Variants in NXPE2 observed in about 807,000 individuals in gnomAD.
NXPE2 encodes the protein NXPE family member 2.
A neutral mutation model predicts 34.4 loss-of-function variants in NXPE2; 34 were observed. The ratio of observed to expected loss-of-function variants is 0.99; its 90% CI spans 0.75 to 1.31. The LOEUF (loss-of-function observed/expected upper bound fraction) is 1.31. Ranked by LOEUF, NXPE2 falls within the 40% of genes most tolerant of loss-of-function variation. NXPE2 has a pLI of 0.00. For missense variants in NXPE2, 649 were observed against 672.5 expected (o/e 0.97, Z 0.39); for synonymous variants, 235 against 231.3 (o/e 1.02, Z -0.15).
At chr11:114,570,806 T>C in the NXPE2 span, 1 of 606,642 alleles carries the variant, frequency 1.6e-6, no homozygotes, top group Non-Finnish European at 2.9e-6. Flanking sequence ...TGGTGGCTTA[T>C]GGATCAGCCA....
chr11:114,615,497 G>T, the NXPE2 span, among the ~76,000 whole-genome samples: 4 of 151,324 alleles, frequency 2.6e-5, no homozygotes, highest in Non-Finnish European at 1.5e-5. Context: ...ACTGTTACCT[G>T]GTGGATAATA....
At chr11:114,646,518 A>AT in the NXPE2 span, among the ~76,000 whole-genome samples, 1 of 151,972 alleles carries the variant, frequency 6.6e-6, no homozygotes, top group Admixed American at 6.6e-5. Flanking sequence ...GAACAATGTA[A>AT]TTTTTTAAAA....
the NXPE2 span, chr11:114,571,458 T>C: frequency 2.5e-6 from 4 of 1,606,846 alleles, no homozygotes; most frequent in Non-Finnish European, 3.4e-6. Flanking sequence ...TTCATGCAGA[T>C]CCACTGACTT....
chr11:114,775,487 A>T, the NXPE2 span, among the ~76,000 whole-genome samples: 1 of 152,172 alleles, frequency 6.6e-6, no homozygotes, highest in East Asian at 1.9e-4. Flanking sequence ...AGGGCTCCTG[A>T]CCACTCATCT....
the NXPE2 span, among the ~76,000 whole-genome samples, chr11:114,506,345 T>C: frequency 3.5e-3 from 536 of 152,258 alleles, 3 homozygotes; most frequent in African/African-American, 0.012. Context: ...TTAACAAAGG[T>C]ATTCAGGAAC....
intron 1 of NXPE2, 145 bp downstream of exon 1, chr11:114,678,746 A>T: frequency 1.6e-6 from 1 of 623,114 alleles, no homozygotes. Flanking sequence ...AAATACTTTT[A>T]AAATGGAATA....
At chr11:114,700,347 A>G (rs1021011402) in intron 3 of NXPE2, among the ~76,000 whole-genome samples, 3 of 152,226 alleles carry the variant, frequency 2.0e-5, no homozygotes, top group African/African-American at 7.2e-5. Flanking sequence ...ATGCTATTTT[A>G]AAACGGTGTC....
At chr11:114,798,369 C>CTCTT in the NXPE2 span, among the ~76,000 whole-genome samples, 4 of 151,854 alleles carry the variant, frequency 2.6e-5, no homozygotes, top group African/African-American at 9.7e-5. Context: ...CTCCTTCCCT[C>CTCTT]TGTTTCTTTC....
the NXPE2 span, among the ~76,000 whole-genome samples, chr11:114,640,006 T>G: frequency 8.4e-6 from 1 of 118,550 alleles, no homozygotes; most frequent in South Asian, 2.4e-4. Context: ...TATAATGTAA[T>G]AATATATTAT....
chr11:114,560,643 T>A, the NXPE2 span, among the ~76,000 whole-genome samples: 1 of 152,180 alleles, frequency 6.6e-6, no homozygotes, highest in East Asian at 1.9e-4. Context: ...AAAGGGGATA[T>A]GGTTCATTAA....
At chr11:114,719,106 A>T in the NXPE2 span, among the ~76,000 whole-genome samples, 2 of 152,076 alleles carry the variant, frequency 1.3e-5, no homozygotes, top group Non-Finnish European at 1.5e-5. Flanking sequence ...TATTAGTTTC[A>T]GTTCTTCTGT....
chr11:114,493,085 G>A, the NXPE2 span, among the ~76,000 whole-genome samples: 1 of 151,736 alleles, frequency 6.6e-6, no homozygotes, highest in Non-Finnish European at 1.5e-5. Flanking sequence ...TATAGTTTTT[G>A]TCTTGAAATC....
chr11:114,614,677 T>G, the NXPE2 span, among the ~76,000 whole-genome samples: 1 of 151,090 alleles, frequency 6.6e-6, no homozygotes, highest in South Asian at 2.1e-4. Context: ...ACTGGATAAG[T>G]GTTGCCTCGT....
At chr11:114,767,948 A>G in the NXPE2 span, among the ~76,000 whole-genome samples, 1 of 152,116 alleles carries the variant, frequency 6.6e-6, no homozygotes, top group African/African-American at 2.4e-5. Context: ...CTAAGCTTCA[A>G]TGTTCTCATC....
In NXPE2 at chr11:114,681,725, G is replaced by A. The variant is rs186445878; in HGVS notation, c.132+1963G>A. On this transcript the variant is annotated intron_variant, in intron 2 of 5. Transcript: ENST00000389586. Reference sequence around the variant, plus strand: ...CATATCAGAATTATAGGAGTTTCCCGTAATTTTGGAATACATGCCAATAAC... The same window carrying A: ...CATATCAGAATTATAGGAGTTTCCCATAATTTTGGAATACATGCCAATAAC... 2.7e-3 allele frequency among the ~76,000 whole-genome samples: 416 copies of A among 151,998 alleles called. 6 individuals carry two copies. The highest frequency in any genetic ancestry group is 3.9e-4 in the East Asian group (2 of 5,166).
chr11:114,622,599 C>A, the NXPE2 span, among the ~76,000 whole-genome samples: 1 of 151,782 alleles, frequency 6.6e-6, no homozygotes, highest in Non-Finnish European at 1.5e-5. Flanking sequence ...ATAAGCATTA[C>A]CTCGTGGGTA....
At chr11:114,571,033 A>G in the NXPE2 span, 11 of 1,613,520 alleles carry the variant, frequency 6.8e-6, no homozygotes, top group Non-Finnish European at 9.3e-6. Context: ...GTTATATCCC[A>G]GGCATCAATG....
the NXPE2 span, among the ~76,000 whole-genome samples, chr11:114,765,210 A>G: frequency 6.6e-6 from 1 of 152,120 alleles, no homozygotes; most frequent in African/African-American, 2.4e-5. Context: ...TCCCAATCTC[A>G]TTTTTCATAC....
the NXPE2 span, among the ~76,000 whole-genome samples, chr11:114,500,014 C>A: frequency 1.3e-5 from 2 of 151,302 alleles, no homozygotes; most frequent in South Asian, 4.2e-4. Flanking sequence ...AATTTGTTAT[C>A]CTGTCTCTAG....
Sources: allele counts gnomAD v4.1 joint callset (sites outside exome capture counted in the v4.1 genomes callset), GRCh38; gene constraint gnomAD v4.1.1; transcripts MANE v1.5; gene names NCBI Gene and HGNC (gene_info 2026-07-23, HGNC 2026-07-21).